The following CFAP61 variants were observed in gnomAD, a reference collection of about 807,000 sequenced individuals.
CFAP61 encodes the protein cilia and flagella associated protein 61.
Under a neutral mutation model 135.6 loss-of-function variants are expected in CFAP61, and 107 were observed. The observed-to-expected ratio is 0.79, with a 90% CI of 0.67 to 0.93. The LOEUF is 0.93. Among genes scored for constraint, CFAP61 ranks in the 40% least tolerant of loss-of-function variants. CFAP61 has a pLI of 0.00. For missense variants in CFAP61, 1,507 were observed against 1,556.2 expected (o/e 0.97, Z 0.53); for synonymous variants, 575 against 578.5 (o/e 0.99, Z 0.09).
intron 9 of CFAP61, among the ~76,000 whole-genome samples, chr20:20,151,685 C>A (rs1408853227): frequency 1.3e-5 from 2 of 151,770 alleles, no homozygotes; most frequent in Non-Finnish European, 2.9e-5. Flanking sequence ...ACAAAATTAG[C>A]CAAGTGTGGT....
At chr20:20,190,114 A>G (rs1322935247) in intron 14 of CFAP61, among the ~76,000 whole-genome samples, 3 of 152,256 alleles carry the variant, frequency 2.0e-5, no homozygotes, top group African/African-American at 7.2e-5. Context: ...CTAAAACTGC[A>G]ACTATCTTAT....
intron 17 of CFAP61, among the ~76,000 whole-genome samples, chr20:20,219,628 C>T (rs143869295): frequency 6.6e-6 from 1 of 152,132 alleles, no homozygotes; most frequent in Admixed American, 6.5e-5. Context: ...CAAAAACCTT[C>T]CCCTTACTGT....
intron 25 of CFAP61, among the ~76,000 whole-genome samples, chr20:20,304,672 C>T (rs530762909): frequency 2.4e-4 from 36 of 152,092 alleles, no homozygotes; most frequent in East Asian, 5.8e-4. Flanking sequence ...AATGGCAGCA[C>T]CTTCTGCCCT....
chr20:20,196,105 G>A (rs2056264238), intron 15 of CFAP61, among the ~76,000 whole-genome samples: 1 of 152,190 alleles, frequency 6.6e-6, no homozygotes, highest in Non-Finnish European at 1.5e-5. Flanking sequence ...AACAAAGTGT[G>A]TAACTTGGGG....
chr20:20,355,389 GCA>G lies in CFAP61; in HGVS notation c.3514-4820_3514-4819del, dbSNP rs1166437502. ...CTGAGGGGAGGTAGTGACACTGTGA[GCA>G]GAGATGGTCACACTGTGAGGGGAGG... On this transcript the variant is annotated intron_variant, in intron 26 of 26. Transcript: ENST00000245957. Among the ~76,000 whole-genome samples, 33 of 99,194 alleles carry G rather than the reference GCA, an allele frequency of 3.3e-4. 2 individuals are homozygous for G. Among genetic ancestry groups the G allele is most frequent in the East Asian group, 2.5e-3 (6 of 2,402 alleles). 65.1% of individuals were successfully genotyped at this position (99,194 alleles called of 152,430 possible). A position where few individuals can be genotyped will look rare whatever the true frequency, so the allele number is the denominator to read the frequency against.
chr20:20,252,144 T>C (rs2050974451), intron 20 of CFAP61, among the ~76,000 whole-genome samples: 1 of 152,230 alleles, frequency 6.6e-6, no homozygotes, highest in Non-Finnish European at 1.5e-5. Context: ...GCTGTGGCAA[T>C]GGGCTCTCGC....
At chr20:20,329,224 T>G (rs908658746) in intron 25 of CFAP61, among the ~76,000 whole-genome samples, 24 of 152,084 alleles carry the variant, frequency 1.6e-4, no homozygotes, top group Admixed American at 1.4e-3. Context: ...CAAACCTGTC[T>G]CTTGGGGCCC....
intron 17 of CFAP61, among the ~76,000 whole-genome samples, chr20:20,211,355 T>C (rs974824256): frequency 6.6e-6 from 1 of 152,206 alleles, no homozygotes; most frequent in Non-Finnish European, 1.5e-5. Context: ...CAATCTGCTC[T>C]CATTCTCCAG....
chr20:20,079,863 A>G (rs1346241933), intron 6 of CFAP61, among the ~76,000 whole-genome samples: 1 of 152,142 alleles, frequency 6.6e-6, no homozygotes, highest in Non-Finnish European at 1.5e-5. Context: ...TGGTTCTCTC[A>G]TGTCTTTCAA....
intron 9 of CFAP61, 35 bp downstream of exon 9, chr20:20,142,983 G>A (rs2146752652): frequency 1.5e-6 from 2 of 1,337,774 alleles, no homozygotes; most frequent in Admixed American, 1.9e-5. Flanking sequence ...CTAGGGTGGG[G>A]GGATGGGCCT....
intron 8 of CFAP61, among the ~76,000 whole-genome samples, chr20:20,124,747 G>A (rs1212226720): frequency 8.6e-5 from 13 of 151,690 alleles, no homozygotes; most frequent in Admixed American, 8.5e-4. Context: ...ATGAATTAGG[G>A]AGGGTTCCTT....
chr20:20,288,033 G>A (rs577192581), intron 22 of CFAP61, among the ~76,000 whole-genome samples: 15 of 152,252 alleles, frequency 9.9e-5, no homozygotes, highest in African/African-American at 2.2e-4. Flanking sequence ...ACTCTGTGTC[G>A]TATGAGAGCA....
At chr20:20,128,185 C>T (rs915700621) in intron 8 of CFAP61, among the ~76,000 whole-genome samples, 5 of 151,706 alleles carry the variant, frequency 3.3e-5, no homozygotes, top group African/African-American at 7.3e-5. Flanking sequence ...GCCCTCTGCC[C>T]GAGTTCTGGC....
intron 25 of CFAP61, among the ~76,000 whole-genome samples, chr20:20,318,250 G>A (rs1255433322): frequency 6.6e-6 from 1 of 152,160 alleles, no homozygotes; most frequent in Non-Finnish European, 1.5e-5. Flanking sequence ...GCCAACTTAG[G>A]CCTGTATTGC....
At chr20:20,264,783 C>T (rs9784194) in intron 21 of CFAP61, among the ~76,000 whole-genome samples, 77,133 of 152,002 alleles carry the variant, frequency 0.51, 20,022 homozygotes, top group Middle Eastern at 0.72. Flanking sequence ...TCCCAGCTAC[C>T]TGGGAGGCTG....
At chr20:20,335,722 C>G (rs1033620319) in intron 25 of CFAP61, among the ~76,000 whole-genome samples, 3 of 152,216 alleles carry the variant, frequency 2.0e-5, no homozygotes, top group African/African-American at 7.2e-5. Flanking sequence ...AAAAAGTACA[C>G]TTCTGCCTTT....
At chr20:20,309,565 C>T (rs902557084) in intron 25 of CFAP61, among the ~76,000 whole-genome samples, 1 of 152,174 alleles carries the variant, frequency 6.6e-6, no homozygotes, top group Non-Finnish European at 1.5e-5. Flanking sequence ...CCAATAGGAC[C>T]AGAACCAGAG....
chr20:20,057,780 C>T (rs984977670), intron 2 of CFAP61, among the ~76,000 whole-genome samples: 1 of 152,204 alleles, frequency 6.6e-6, no homozygotes, highest in African/African-American at 2.4e-5. Flanking sequence ...TGCAGTGGTG[C>T]GATCTCGGCT....
rs751837278 is a variant in CFAP61 at position 20,056,606 on chromosome 20, T to C, written c.-36-12T>C. 19 of 1,589,854 alleles carry C rather than the reference T, an allele frequency of 1.2e-5. No homozygotes were observed. The highest frequency in any genetic ancestry group is 1.6e-5 in the Non-Finnish European group (19 of 1,163,442). The stretch of plus-strand genomic sequence containing the variant: ...ATTATAACCAAACTGGCTTATCATA[T>C]CAGATTAATAGTGGACTTTTTTCTC... On this transcript the variant is annotated splice_polypyrimidine_tract_variant and intron_variant, in intron 1 of 26. Transcript: ENST00000245957.
Sources: gnomAD v4.1 joint callset for allele counts (sites outside exome capture counted in the v4.1 genomes callset) on GRCh38, gnomAD v4.1.1 for gene constraint, MANE v1.5 for transcripts, NCBI Gene and HGNC (gene_info 2026-07-23, HGNC 2026-07-21) for gene names.